The following FMNL2 variants were observed in gnomAD, a reference collection of about 807,000 sequenced individuals.
FMNL2 encodes the protein formin like 2.
A neutral mutation model predicts 130.2 loss-of-function variants in FMNL2; 51 were observed. The observed-to-expected ratio is 0.39, with a 90% CI of 0.31 to 0.49. FMNL2 has a LOEUF of 0.49. FMNL2 is among the 20% of genes least tolerant of loss of function. The pLI is 0.85. For missense variants in FMNL2, 977 were observed against 1,316.2 expected, an observed-to-expected ratio of 0.74 and a Z score of 3.99; for synonymous variants, 465 against 467.1, an observed-to-expected ratio of 1.00 and a Z score of 0.06.
rs1227362056 is a variant in FMNL2 at position 152,641,995 on chromosome 2, CA to C, written c.3169+1082del. 3.3e-5 allele frequency among the ~76,000 whole-genome samples: 5 copies of C among 151,370 alleles called. No homozygotes were observed. In the South Asian group the frequency reaches 8.3e-4, roughly 25 times the overall value. ...TCATTCTGTTGCCCAGGCTGGAGTG[CA>C]GTGGTGCTATCTCAGCTCACTGCAA... On this transcript the variant is annotated intron_variant, in intron 25 of 25. Transcript: ENST00000288670.
chr2:152,499,158 C>T (rs1691674375), intron 1 of FMNL2, among the ~76,000 whole-genome samples: 1 of 152,070 alleles, frequency 6.6e-6, no homozygotes, highest in Non-Finnish European at 1.5e-5. Context: ...AGTCAAAGTC[C>T]CAGTGGAAAA....
Position 152,570,832 on chromosome 2 carries a change from T to C in FMNL2, c.597-4304T>C, listed in dbSNP as rs117530091. ...TGAATAGGTCTCTAAATGTCTGTTA[T>C]GGAATGCTGGTGAAATGGTTGAATT... On this transcript the variant is annotated intron_variant, in intron 6 of 25. Transcript: ENST00000288670. 5.4e-4 allele frequency among the ~76,000 whole-genome samples: 69 copies of C among 126,928 alleles called. No homozygotes were observed. In the East Asian group the frequency reaches 0.013, roughly 24 times the overall value. The allele number at this position is 126,928 out of a possible 152,430, so 83.3% of individuals were successfully genotyped here. A position where few individuals can be genotyped will look rare whatever the true frequency, so the allele number is the denominator to read the frequency against.
chr2:152,577,173 G>A (rs1221756427), intron 7 of FMNL2, among the ~76,000 whole-genome samples: 2 of 152,056 alleles, frequency 1.3e-5, no homozygotes, highest in African/African-American at 4.8e-5. Flanking sequence ...ATGAGAGGTG[G>A]TCAGATTCTG....
intron 1 of FMNL2, among the ~76,000 whole-genome samples, chr2:152,439,343 T>A (rs910910912): frequency 6.6e-6 from 1 of 152,210 alleles, no homozygotes; most frequent in African/African-American, 2.4e-5. Flanking sequence ...AGGTTATTAT[T>A]TTCAAGGTTC....
At chr2:152,346,916 C>G (rs1346468389) in intron 1 of FMNL2, among the ~76,000 whole-genome samples, 35 of 151,618 alleles carry the variant, frequency 2.3e-4, no homozygotes, top group Non-Finnish European at 2.9e-5. Context: ...ATGGTGAAAC[C>G]CCGTATCTAC....
intron 22 of FMNL2, 111 bp downstream of exon 22, chr2:152,636,701 G>A (rs1043348107): frequency 7.8e-7 from 1 of 1,287,260 alleles, no homozygotes; most frequent in Non-Finnish European, 1.0e-6. Flanking sequence ...GTTTGTGGAG[G>A]GTAGCTTTCT....
At chr2:152,466,539 G>C (rs923828988) in intron 1 of FMNL2, among the ~76,000 whole-genome samples, 2 of 152,268 alleles carry the variant, frequency 1.3e-5, no homozygotes, top group African/African-American at 2.4e-5. Context: ...CTTTGGATTT[G>C]AGTAGTCAAA....
At chr2:152,502,438 G>C (rs1691897517) in intron 1 of FMNL2, among the ~76,000 whole-genome samples, 1 of 152,228 alleles carries the variant, frequency 6.6e-6, no homozygotes, top group African/African-American at 2.4e-5. Flanking sequence ...TGTAATTCCA[G>C]CACTTTGGGA....
chr2:152,632,810 C>T (rs72871163), intron 21 of FMNL2, among the ~76,000 whole-genome samples: 3,775 of 152,250 alleles, frequency 0.025, 68 homozygotes, highest in Middle Eastern at 0.065. Flanking sequence ...AAAGCATATT[C>T]GATTAGCAAA....
intron 1 of FMNL2, among the ~76,000 whole-genome samples, chr2:152,400,393 G>A (rs560424881): frequency 1.2e-4 from 18 of 152,058 alleles, no homozygotes; most frequent in African/African-American, 4.1e-4. Context: ...CTGAGATCGC[G>A]CCACTGCACT....
intron 1 of FMNL2, among the ~76,000 whole-genome samples, chr2:152,474,422 C>T (rs909100400): frequency 5.9e-5 from 9 of 152,172 alleles, no homozygotes; most frequent in East Asian, 1.9e-4. Flanking sequence ...CAGTGGCTCA[C>T]GCCTGTAATC....
At chr2:152,636,874 C>T (rs776491532) in intron 22 of FMNL2, among the ~76,000 whole-genome samples, 125 of 152,142 alleles carry the variant, frequency 8.2e-4, no homozygotes, top group Non-Finnish European at 2.6e-4. Flanking sequence ...TTCAGTTCAG[C>T]CCACATGCGT....
intron 1 of FMNL2, among the ~76,000 whole-genome samples, chr2:152,486,005 G>A (rs182603797): frequency 6.6e-6 from 1 of 152,182 alleles, no homozygotes; most frequent in African/African-American, 2.4e-5. Flanking sequence ...TCTCATCTCC[G>A]AGAATAATTG....
chr2:152,577,057 C>T (rs1245362569), intron 7 of FMNL2, among the ~76,000 whole-genome samples: 1 of 152,162 alleles, frequency 6.6e-6, no homozygotes, highest in African/African-American at 2.4e-5. Flanking sequence ...TAGGTTTGAT[C>T]TTGGCCAGGC....
At chr2:152,457,797 G>A (rs1353300336) in intron 1 of FMNL2, among the ~76,000 whole-genome samples, 1 of 152,166 alleles carries the variant, frequency 6.6e-6, no homozygotes, top group Non-Finnish European at 1.5e-5. Context: ...CTTCTGGAGG[G>A]CTCTAGGGGA....
intron 6 of FMNL2, among the ~76,000 whole-genome samples, chr2:152,566,361 G>A (rs1695837301): frequency 6.6e-6 from 1 of 152,188 alleles, no homozygotes; most frequent in African/African-American, 2.4e-5. Context: ...ACTGTACTAA[G>A]GGCCTCGGGG....
intron 2 of FMNL2, among the ~76,000 whole-genome samples, chr2:152,529,307 C>T (rs962674980): frequency 2.6e-5 from 4 of 151,998 alleles, no homozygotes; most frequent in Non-Finnish European, 5.9e-5. Flanking sequence ...TTGTTTGTCC[C>T]GAGTTCCAGC....
At chr2:152,490,451 G>A (rs1315735071) in intron 1 of FMNL2, among the ~76,000 whole-genome samples, 1 of 152,070 alleles carries the variant, frequency 6.6e-6, no homozygotes, top group Non-Finnish European at 1.5e-5. Flanking sequence ...AAACATCGAC[G>A]TTCCTGGAAA....
At chr2:152,496,139 T>C (rs1467355097) in intron 1 of FMNL2, among the ~76,000 whole-genome samples, 2 of 152,186 alleles carry the variant, frequency 1.3e-5, no homozygotes, top group African/African-American at 2.4e-5. Flanking sequence ...CTATTAATCA[T>C]TGTCCTGCTG....
Sources: allele counts gnomAD v4.1 joint callset (sites outside exome capture counted in the v4.1 genomes callset), GRCh38; gene constraint gnomAD v4.1.1; transcripts MANE v1.5; gene names NCBI Gene and HGNC (gene_info 2026-07-23, HGNC 2026-07-21).